MTERF3: variants seen among roughly 807,000 people sequenced by gnomAD.
MTERF3 encodes the protein mitochondrial transcription termination factor 3.
Under a neutral mutation model 40.5 loss-of-function variants are expected in MTERF3, and 40 were observed. The ratio of observed to expected loss-of-function variants is 0.99; its 90% CI spans 0.77 to 1.29. MTERF3 has a LOEUF of 1.29. Among genes scored for constraint, MTERF3 ranks in the 50% most tolerant of loss-of-function variants. The probability of loss-of-function intolerance (pLI) is 0.00; values close to 1 mark genes in which losing one functional copy is unlikely to be tolerated. For missense variants in MTERF3, 452 were observed against 478.2 expected, an observed-to-expected ratio of 0.95 and a Z score of 0.51; for synonymous variants, 158 against 166.6, an observed-to-expected ratio of 0.95 and a Z score of 0.40.
In MTERF3 at chr8:96,250,644, GAA is replaced by G. The variant is rs1491418993; in HGVS notation, c.677+260_677+261del. On this transcript the variant is annotated intron_variant, in intron 4 of 7. Transcript: ENST00000287025. Reference sequence around the variant, plus strand: ...AGAAGAAGAAGAAGAAGAAGAAGAAGAAGAAGAAGAAGAAGAAGAAGAAGAAG... The same window carrying G: ...AGAAGAAGAAGAAGAAGAAGAAGAAGGAAGAAGAAGAAGAAGAAGAAGAAG... 8.5e-4 allele frequency among the ~76,000 whole-genome samples: 24 copies of G among 28,074 alleles called. 2 individuals carry two copies. Among genetic ancestry groups the G allele is most frequent in the African/African-American group, 3.5e-3 (22 of 6,282 alleles). The allele number at this position is 28,074 out of a possible 152,430, so 18.4% of individuals were successfully genotyped here.
intron 7 of MTERF3, among the ~76,000 whole-genome samples, chr8:96,241,139 C>T (rs1409053901): frequency 2.6e-5 from 4 of 152,020 alleles, no homozygotes; most frequent in Non-Finnish European, 5.9e-5. Context: ...CGGCCGGGCG[C>T]GGTGGCTCAC....
rs145757010 is a variant in MTERF3, at chr8:96,257,572, A to C, written c.335-458T>G. Among the ~76,000 whole-genome samples, 125 of 152,308 alleles carry C rather than the reference A, an allele frequency of 8.2e-4. 1 individual carries two copies. The East Asian group carries it at 0.022, about 27-fold the overall frequency. On this transcript the variant is annotated intron_variant, in intron 2 of 7. Coordinates refer to ENST00000287025, the MANE Select transcript of MTERF3 (RefSeq NM_015942.5). ...AGTTACCCTCAAATACATCTTTAAA[A>C]GGGCTTCTATGATTGTTTCTACAAC...
chr8:96,239,736 A>G, intron 7 of MTERF3, 51 bp from the exon 8 acceptor site: 1 of 1,462,962 alleles, frequency 6.8e-7, no homozygotes, highest in Non-Finnish European at 9.3e-7. Context: ...GGAGGATGAA[A>G]TATTAAAAAG....
At chr8:96,241,802 G>A (rs1809936200) in intron 7 of MTERF3, among the ~76,000 whole-genome samples, 1 of 152,086 alleles carries the variant, frequency 6.6e-6, no homozygotes, top group African/African-American at 2.4e-5. Context: ...AGAATTATTG[G>A]TTCCCTCTAA....
chr8:96,240,817 C>T (rs1809913804), intron 7 of MTERF3, among the ~76,000 whole-genome samples: 1 of 152,142 alleles, frequency 6.6e-6, no homozygotes, highest in African/African-American at 2.4e-5. Flanking sequence ...ACCCCTAGGC[C>T]TCTTTCCCTA....
At chr8:96,260,562 C>T (rs1016486925) in intron 1 of MTERF3, among the ~76,000 whole-genome samples, 1 of 152,166 alleles carries the variant, frequency 6.6e-6, no homozygotes, top group Non-Finnish European at 1.5e-5. Flanking sequence ...TTTTTGACGT[C>T]TAAGCACTTC....
At chr8:96,253,135 C>G (rs1810216124) in intron 3 of MTERF3, among the ~76,000 whole-genome samples, 2 of 152,128 alleles carry the variant, frequency 1.3e-5, no homozygotes, top group South Asian at 4.1e-4. Flanking sequence ...GTACATCAAT[C>G]AGGGTCTAGC....
intron 4 of MTERF3, among the ~76,000 whole-genome samples, chr8:96,250,190 G>C (rs187553043): frequency 4.6e-5 from 7 of 152,156 alleles, no homozygotes; most frequent in Admixed American, 4.6e-4. Flanking sequence ...TTACGGAAAT[G>C]ATTAAGCAAA....
chr8:96,243,712 A>T (rs114721068), intron 7 of MTERF3, among the ~76,000 whole-genome samples: 1,701 of 152,362 alleles, frequency 0.011, 20 homozygotes, highest in African/African-American at 0.039. Flanking sequence ...ACTACATTAG[A>T]TTTGTTGGCC....
Position 96,246,422 on chromosome 8 carries a change from T to C in MTERF3, c.710A>G (p.Lys237Arg). 6.2e-7 allele frequency: 1 copy of C among 1,611,068 alleles called. No individual in the cohort carries two copies. Among genetic ancestry groups the C allele is most frequent in the Non-Finnish European group, 8.5e-7 (1 of 1,179,086 alleles). Residue 237 changes from lysine to arginine, a missense_variant, in exon 5 of 8, where the codon AAA becomes AGA. Physicochemically the swap from Lys to Arg is conservative, Grantham distance 26. Transcript: ENST00000287025. ...VAYLHSKNFS[K>R]ADVAQMVRKA... ...TCTGACCATCTGTGCAACATCTGCTTTACTGAAATTTTTTGAATGCAGATA... is the reference window on the plus strand; with the variant it reads ...TCTGACCATCTGTGCAACATCTGCTCTACTGAAATTTTTTGAATGCAGATA...
chr8:96,244,134 A>C, intron 6 of MTERF3, 54 bp from the exon 7 acceptor site: 1 of 1,506,032 alleles, frequency 6.6e-7, no homozygotes, highest in South Asian at 1.2e-5. Context: ...TTATTTTGGT[A>C]CCATGGCAAG....
intron 1 of MTERF3, among the ~76,000 whole-genome samples, chr8:96,260,966 G>C (rs1399341072): frequency 6.6e-6 from 1 of 152,230 alleles, no homozygotes; most frequent in African/African-American, 2.4e-5. Flanking sequence ...GGGATGTGCA[G>C]ATGTGTATAA....
intron 7 of MTERF3, among the ~76,000 whole-genome samples, chr8:96,242,588 A>C (rs1809948769): frequency 6.6e-6 from 1 of 152,214 alleles, no homozygotes; most frequent in Non-Finnish European, 1.5e-5. Context: ...TAATAATAGC[A>C]TCTACCTCAT....
At chr8:96,247,787 A>G (rs962962837) in intron 4 of MTERF3, among the ~76,000 whole-genome samples, 1 of 152,204 alleles carries the variant, frequency 6.6e-6, no homozygotes, top group African/African-American at 2.4e-5. Context: ...ACACCCCACT[A>G]TAAATGAAGT....
intron 3 of MTERF3, among the ~76,000 whole-genome samples, chr8:96,254,154 A>T (rs1810239458): frequency 6.6e-6 from 1 of 152,174 alleles, no homozygotes; most frequent in South Asian, 2.1e-4. Flanking sequence ...CTGAATGTAC[A>T]CTTTTTAAAT....
intron 7 of MTERF3, among the ~76,000 whole-genome samples, chr8:96,243,376 T>C (rs1464872559): frequency 1.3e-5 from 2 of 152,232 alleles, no homozygotes; most frequent in Non-Finnish European, 1.5e-5. Flanking sequence ...TTCTAGGCAC[T>C]GAGGATTTGG....
Position 96,246,417 on chromosome 8 carries a change from C to T in MTERF3, c.715G>A (p.Asp239Asn). 2 of 1,611,416 alleles carry T rather than the reference C, an allele frequency of 1.2e-6. No individual in the cohort carries two copies. Among genetic ancestry groups the T allele is most frequent in the Non-Finnish European group, 1.7e-6 (2 of 1,179,206 alleles). Residue 239 changes from aspartate (D) to asparagine (N), a missense_variant, in exon 5 of 8, where the codon GAT becomes AAT. Transcript: ENST00000287025. ...GCTTTTCTGACCATCTGTGCAACAT[C>T]TGCTTTACTGAAATTTTTTGAATGC... is the stretch of plus-strand genomic sequence containing the variant. ...YLHSKNFSKA[D>N]VAQMVRKAPF...
intron 2 of MTERF3, among the ~76,000 whole-genome samples, chr8:96,258,038 T>C (rs1480644141): frequency 2.0e-5 from 3 of 152,202 alleles, no homozygotes; most frequent in Non-Finnish European, 2.9e-5. Context: ...ACAAGATGAA[T>C]TTTACTTGAT....
Position 96,239,702 on chromosome 8 carries a change from A to AG in MTERF3, c.1060-18dup. On this transcript the variant is annotated splice_polypyrimidine_tract_variant and intron_variant, in intron 7 of 7. Transcript: ENST00000287025. ...ATTAAATACCTAGAAAAGAAAAAAA[A>AG]GTTTTTAAAAAACACTGCACACGGG... 1 of 1,559,522 alleles carries AG rather than the reference A, an allele frequency of 6.4e-7. No individual in the cohort carries two copies. Among genetic ancestry groups the AG allele is most frequent in the East Asian group, 2.2e-5 (1 of 44,560 alleles).
Sources: allele counts gnomAD v4.1 joint callset (sites outside exome capture counted in the v4.1 genomes callset), GRCh38; gene constraint gnomAD v4.1.1; transcripts MANE v1.5; gene names NCBI Gene and HGNC (gene_info 2026-07-23, HGNC 2026-07-21).